Variants in TLN2 observed in about 807,000 individuals in gnomAD.
TLN2 encodes talin-2.
TLN2 carries 118 observed loss-of-function variants against 294.7 expected under a neutral mutation model. That is an observed-to-expected ratio of 0.40 (90% CI 0.34 to 0.47). The LOEUF (loss-of-function observed/expected upper bound fraction) is 0.47, where lower values mean the gene tolerates loss of function less well. Among genes scored for constraint, TLN2 ranks in the 20% least tolerant of loss-of-function variants. TLN2 has a pLI of 0.84. For synonymous variants in TLN2, 1,431 were observed against 1,304.5 expected, an observed-to-expected ratio of 1.10 and a Z score of -2.09; for missense variants, 3,083 against 3,282.2, an observed-to-expected ratio of 0.94 and a Z score of 1.48.
intron 46 of TLN2, among the ~76,000 whole-genome samples, chr15:62,795,744 G>C (rs186571342): frequency 1.4e-3 from 214 of 152,270 alleles, no homozygotes; most frequent in Non-Finnish European, 2.4e-3. Flanking sequence ...CCGTTCTGTG[G>C]TTTCAGAAAC....
intron 39 of TLN2, 34 bp from the exon 40 acceptor site, chr15:62,763,529 G>T: frequency 6.3e-7 from 1 of 1,578,944 alleles, no homozygotes; most frequent in South Asian, 1.1e-5. Flanking sequence ...TGAGCCCCAT[G>T]GAGCCTGTGT....
At chr15:62,826,932 C>T (rs1279027869) in intron 54 of TLN2, among the ~76,000 whole-genome samples, 1 of 152,160 alleles carries the variant, frequency 6.6e-6, no homozygotes, top group East Asian at 1.9e-4. Context: ...TAGTAGCAGG[C>T]ATTCTGCAAG....
chr15:62,566,613 C>G (rs2043417011), intron 1 of TLN2, among the ~76,000 whole-genome samples: 1 of 148,968 alleles, frequency 6.7e-6, no homozygotes. Flanking sequence ...TGAGTAGCCA[C>G]AGAAACCTTC....
chr15:62,466,990 C>A (rs1317672546), intron 1 of TLN2, among the ~76,000 whole-genome samples: 1 of 152,208 alleles, frequency 6.6e-6, no homozygotes, highest in Non-Finnish European at 1.5e-5. Flanking sequence ...AAGAATTAGC[C>A]CTCCGTTTTG....
chr15:62,646,281 G>A (rs759651099), intron 3 of TLN2, among the ~76,000 whole-genome samples: 2 of 151,904 alleles, frequency 1.3e-5, no homozygotes, highest in Admixed American at 6.6e-5. Flanking sequence ...TCCTGTCTCA[G>A]CCTCCCGAGT....
At chr15:62,720,960 G>T (rs2060110543) in intron 25 of TLN2, among the ~76,000 whole-genome samples, 1 of 152,046 alleles carries the variant, frequency 6.6e-6, no homozygotes, top group South Asian at 2.1e-4. Context: ...CTTGGACAAG[G>T]CATTTCTCTC....
At chr15:62,730,373 G>T (rs1038364049) in intron 28 of TLN2, among the ~76,000 whole-genome samples, 1 of 152,006 alleles carries the variant, frequency 6.6e-6, no homozygotes, top group Non-Finnish European at 1.5e-5. Context: ...TTTCATCTCC[G>T]CAATACAGTC....
intron 1 of TLN2, among the ~76,000 whole-genome samples, chr15:62,483,565 T>G (rs777241134): frequency 1.3e-5 from 2 of 152,198 alleles, no homozygotes; most frequent in Non-Finnish European, 2.9e-5. Flanking sequence ...TTGCTGCTCT[T>G]TTTTCTGGGT....
Position 62,838,960 on chromosome 15 carries a change from G to A in TLN2, c.7479G>A (p.Lys2493=). ...ACGACGATGTTGTAGTGAAAACCAA[G>A]TTTGTGGGGGGCATTGCTCAGGTTT... ...ADDDDVVVKT[K]FVGGIAQIIA... The change falls in exon 58 of 59, where the codon AAG becomes AAA. Residue 2493 remains lysine (K), a synonymous_variant. Transcript: ENST00000636159. The A allele has an allele frequency of 6.2e-7, 1 of 1,614,162 alleles. No homozygotes were observed. The highest frequency in any genetic ancestry group is 8.5e-7 in the Non-Finnish European group (1 of 1,180,004).
intron 1 of TLN2, among the ~76,000 whole-genome samples, chr15:62,521,056 T>A (rs537319347): frequency 6.6e-6 from 1 of 152,340 alleles, no homozygotes; most frequent in African/African-American, 2.4e-5. Context: ...TCTTACAGTG[T>A]CATTCCTTTG....
chr15:62,828,485 G>A (rs1156420550), intron 54 of TLN2: 1 of 152,238 alleles, frequency 6.6e-6, no homozygotes, highest in Non-Finnish European at 1.5e-5. Flanking sequence ...CTTTTTCCCA[G>A]TGCTGTCTTG....
intron 41 of TLN2, among the ~76,000 whole-genome samples, chr15:62,767,504 G>A (rs1297528342): frequency 2.0e-5 from 3 of 152,010 alleles, no homozygotes; most frequent in Non-Finnish European, 4.4e-5. Context: ...ACCATGCCCG[G>A]CTAATTTTTG....
intron 1 of TLN2, among the ~76,000 whole-genome samples, chr15:62,575,710 C>T (rs1014828281): frequency 1.3e-5 from 2 of 152,148 alleles, no homozygotes; most frequent in Non-Finnish European, 2.9e-5. Context: ...AGTCCACTGC[C>T]CTGCAGAGGT....
chr15:62,748,779 T>TA (rs1330499031), intron 33 of TLN2, among the ~76,000 whole-genome samples: 3 of 152,264 alleles, frequency 2.0e-5, no homozygotes, highest in Non-Finnish European at 2.9e-5. Flanking sequence ...AATTTTTACC[T>TA]AAAAAATATT....
chr15:62,610,873 G>A (rs2047856651), intron 2 of TLN2, among the ~76,000 whole-genome samples: 1 of 152,170 alleles, frequency 6.6e-6, no homozygotes, highest in Non-Finnish European at 1.5e-5. Context: ...ACTGCTGCAG[G>A]GCACACGCAC....
At chr15:62,648,425 AAAAAG>A (rs1271822442) in intron 4 of TLN2, among the ~76,000 whole-genome samples, 3 of 151,250 alleles carry the variant, frequency 2.0e-5, no homozygotes, top group Non-Finnish European at 3.0e-5. Flanking sequence ...AAAAAAAAAA[AAAAAG>A]GAAGAATAAA....
intron 50 of TLN2, among the ~76,000 whole-genome samples, chr15:62,801,625 T>C (rs8024720): frequency 0.89 from 135,075 of 152,196 alleles, 60,344 homozygotes; most frequent in Non-Finnish European, 0.94. Context: ...TGGGTTTTCT[T>C]GTCATATCAT....
Position 62,698,853 on chromosome 15 carries a change from C to G in TLN2, c.1573C>G (p.Leu525Val), listed in dbSNP as rs1369221722. 6.2e-7 allele frequency: 1 copy of G among 1,612,798 alleles called. No homozygotes were observed. The highest frequency in any genetic ancestry group is 2.2e-5 in the East Asian group (1 of 44,876). The part of the protein sequence containing the change: ...DLSELDSLPP[L>V]GQDMASRVWV... Reference sequence around the variant, plus strand: ...CAGTGAGCTCGACTCGCTGCCACCTCTCGGCCAGGATATGGTAAATACTGT... The same window carrying G: ...CAGTGAGCTCGACTCGCTGCCACCTGTCGGCCAGGATATGGTAAATACTGT... The change falls in exon 16 of 59, where the codon CTC (leucine) becomes GTC (valine). Residue 525 changes from leucine to valine, a missense_variant. Transcript: ENST00000636159.
intron 9 of TLN2, among the ~76,000 whole-genome samples, chr15:62,662,604 T>C (rs1366322561): frequency 6.6e-6 from 1 of 152,200 alleles, no homozygotes; most frequent in Non-Finnish European, 1.5e-5. Context: ...AAATAATTTG[T>C]TGAGTGCCTT....
Sources: gnomAD v4.1 joint callset for allele counts (sites outside exome capture counted in the v4.1 genomes callset) on GRCh38, gnomAD v4.1.1 for gene constraint, MANE v1.5 for transcripts, NCBI Gene and HGNC (gene_info 2026-07-23, HGNC 2026-07-21) for gene names.